Variants in MAGI2 observed in about 807,000 individuals in gnomAD.
The protein encoded by MAGI2 is membrane associated guanylate kinase, WW and PDZ domain containing 2, also known as membrane-associated guanylate kinase, WW and PDZ domain-containing protein 2.
In MAGI2, 35 loss-of-function variants were observed where a neutral mutation model predicts 133.3. That is an observed-to-expected ratio of 0.26 (90% CI 0.20 to 0.35). The LOEUF is 0.35. MAGI2 is among the 10% of genes least tolerant of loss of function. The probability of loss-of-function intolerance (pLI) is 1.00; values close to 1 mark genes in which losing one functional copy is unlikely to be tolerated. For synonymous variants in MAGI2, 729 were observed against 710.6 expected, an observed-to-expected ratio of 1.03 and a Z score of -0.41; for missense variants, 1,636 against 1,863.4, an observed-to-expected ratio of 0.88 and a Z score of 2.25.
intron 12 of MAGI2, among the ~76,000 whole-genome samples, chr7:78,191,179 AT>A (rs1038502795): frequency 6.6e-6 from 1 of 152,004 alleles, no homozygotes; most frequent in Non-Finnish European, 1.5e-5. Flanking sequence ...ATACTTTTAT[AT>A]ATGTAAGTTT....
intron 7 of MAGI2, among the ~76,000 whole-genome samples, chr7:78,355,594 A>G (rs550301913): frequency 2.6e-5 from 4 of 152,322 alleles, no homozygotes; most frequent in East Asian, 3.9e-4. Context: ...CGGCAGATGC[A>G]CAAACAAAGC....
At chr7:78,728,720 T>C (rs1163426639) in intron 2 of MAGI2, among the ~76,000 whole-genome samples, 8 of 133,132 alleles carry the variant, frequency 6.0e-5, no homozygotes, top group Middle Eastern at 3.4e-3. Flanking sequence ...CGCCCGCCAC[T>C]ACGCCCGGCT....
At chr7:79,125,004 C>T (rs1396708516) in intron 1 of MAGI2, 3 of 244,622 alleles carry the variant, frequency 1.2e-5, no homozygotes, top group African/African-American at 2.3e-5. Flanking sequence ...AGGGCCAACT[C>T]AAGAGAAGAT....
chr7:78,669,374 G>C (rs1179826111), intron 2 of MAGI2, among the ~76,000 whole-genome samples: 1 of 152,032 alleles, frequency 6.6e-6, no homozygotes, highest in African/African-American at 2.4e-5. Flanking sequence ...AAACCAGGAA[G>C]AAGTTGAATC....
intron 2 of MAGI2, among the ~76,000 whole-genome samples, chr7:78,787,596 TC>T (rs1209959339): frequency 2.6e-5 from 4 of 152,226 alleles, no homozygotes; most frequent in Non-Finnish European, 5.9e-5. Flanking sequence ...ATTTTTCTGT[TC>T]TACCCCCGTT....
intron 2 of MAGI2, among the ~76,000 whole-genome samples, chr7:78,908,530 G>A (rs1244219369): frequency 6.6e-6 from 1 of 152,182 alleles, no homozygotes; most frequent in East Asian, 1.9e-4. Flanking sequence ...AAGAAGAATG[G>A]ATGAAGGGTG....
chr7:78,914,675 T>G (rs1341950856), intron 2 of MAGI2, among the ~76,000 whole-genome samples: 1 of 152,168 alleles, frequency 6.6e-6, no homozygotes, highest in Non-Finnish European at 1.5e-5. Context: ...TCATGAATTT[T>G]CTCATATGTA....
intron 1 of MAGI2, among the ~76,000 whole-genome samples, chr7:79,182,888 G>A (rs1318522703): frequency 2.0e-5 from 3 of 151,954 alleles, no homozygotes; most frequent in Non-Finnish European, 4.4e-5. Flanking sequence ...ATGAAATCAT[G>A]TCATTTGCAG....
intron 2 of MAGI2, among the ~76,000 whole-genome samples, chr7:78,734,756 G>C (rs1821687801): frequency 6.6e-6 from 1 of 152,124 alleles, no homozygotes; most frequent in African/African-American, 2.4e-5. Flanking sequence ...AAAAACACGT[G>C]GGGGCAGATC....
intron 19 of MAGI2, among the ~76,000 whole-genome samples, chr7:78,126,478 G>A (rs2107659): frequency 0.86 from 130,404 of 152,204 alleles, 56,254 homozygotes; most frequent in African/African-American, 0.91. Flanking sequence ...TTATATCTTG[G>A]TATGTAGTTA....
intron 2 of MAGI2, among the ~76,000 whole-genome samples, chr7:78,904,449 C>T (rs1375607287): frequency 6.6e-6 from 1 of 151,764 alleles, no homozygotes; most frequent in Non-Finnish European, 1.5e-5. Flanking sequence ...GAAGATCATA[C>T]ATTTGAAAGC....
At chr7:79,348,326 G>C (rs938450290) in intron 1 of MAGI2, among the ~76,000 whole-genome samples, 6 of 151,908 alleles carry the variant, frequency 3.9e-5, no homozygotes, top group African/African-American at 1.4e-4. Context: ...CATACCTCTG[G>C]TACTATTTAA....
At chr7:78,723,648 T>C (rs1820481600) in intron 2 of MAGI2, among the ~76,000 whole-genome samples, 1 of 149,474 alleles carries the variant, frequency 6.7e-6, no homozygotes, top group Non-Finnish European at 1.5e-5. Context: ...AAATAACCAG[T>C]GGCCTAGATT....
intron 1 of MAGI2, among the ~76,000 whole-genome samples, chr7:79,347,175 T>C (rs1841384326): frequency 6.6e-6 from 1 of 152,014 alleles, no homozygotes; most frequent in South Asian, 2.1e-4. Flanking sequence ...CATAAATATT[T>C]GTTGGTTGAA....
intron 20 of MAGI2, among the ~76,000 whole-genome samples, chr7:78,084,255 T>C (rs1173493936): frequency 1.3e-5 from 2 of 152,208 alleles, no homozygotes; most frequent in Admixed American, 6.5e-5. Context: ...ACGATTTTTG[T>C]GGCTAATGAT....
intron 9 of MAGI2, among the ~76,000 whole-genome samples, chr7:78,319,512 T>G (rs928095461): frequency 1.3e-5 from 2 of 152,196 alleles, no homozygotes; most frequent in African/African-American, 4.8e-5. Context: ...CTGAACAACC[T>G]GCTCCTGAAT....
chr7:78,659,248 A>T (rs767436468), intron 2 of MAGI2, among the ~76,000 whole-genome samples: 4 of 151,918 alleles, frequency 2.6e-5, no homozygotes, highest in Admixed American at 6.6e-5. Context: ...CAGGAGATTG[A>T]GACCATCCTG....
intron 3 of MAGI2, chr7:78,617,053 A>C (rs556442766): frequency 1.3e-5 from 2 of 152,256 alleles, no homozygotes; most frequent in South Asian, 4.1e-4. Flanking sequence ...CAGAATAGAA[A>C]ATGAGGGCAA....
chr7:78,861,790 G>A (rs746750635), intron 2 of MAGI2, among the ~76,000 whole-genome samples: 15 of 152,184 alleles, frequency 9.9e-5, no homozygotes, highest in Admixed American at 2.6e-4. Context: ...TGGCTACCAC[G>A]ATAAACTTGT....
Sources: allele counts gnomAD v4.1 joint callset (sites outside exome capture counted in the v4.1 genomes callset), GRCh38; gene constraint gnomAD v4.1.1; transcripts MANE v1.5; gene names NCBI Gene and HGNC (gene_info 2026-07-23, HGNC 2026-07-21).